PEX5: variants seen among roughly 807,000 people sequenced by gnomAD.
PEX5 encodes the protein peroxisomal biogenesis factor 5.
Under a neutral mutation model 82.9 loss-of-function variants are expected in PEX5, and 52 were observed. The observed-to-expected ratio is 0.63, with a 90% CI of 0.50 to 0.79. The LOEUF (loss-of-function observed/expected upper bound fraction) is 0.79, where lower values mean the gene tolerates loss of function less well. PEX5 is among the 30% of genes least tolerant of loss of function. The pLI is 0.00. For missense variants in PEX5, 719 were observed against 815.2 expected (o/e 0.88, Z 1.44); for synonymous variants, 300 against 318.8 (o/e 0.94, Z 0.63).
chr12:7,198,523 G>A (rs1433836001), intron 5 of PEX5, among the ~76,000 whole-genome samples: 1 of 152,046 alleles, frequency 6.6e-6, no homozygotes, highest in Non-Finnish European at 1.5e-5. Flanking sequence ...GATTCTCTTG[G>A]TAGGCAAATT....
chr12:7,200,903 T>TGG (rs1943807202), intron 6 of PEX5, among the ~76,000 whole-genome samples: 1 of 151,278 alleles, frequency 6.6e-6, no homozygotes, highest in African/African-American at 2.4e-5. Flanking sequence ...AGAGAGACCG[T>TGG]AGGGAGAGGG....
chr12:7,189,492 A>T (rs2135855791), upstream of PEX5: 1 of 158,862 alleles, frequency 6.3e-6, no homozygotes, highest in African/African-American at 2.4e-5. Flanking sequence ...GGCCTTTTCG[A>T]GCGCTCCTAA....
chr12:7,203,593 T>C, intron 10 of PEX5, 42 bp downstream of exon 10: 1 of 1,590,008 alleles, frequency 6.3e-7, no homozygotes, highest in Non-Finnish European at 8.6e-7. Context: ...CAGAACTTCC[T>C]TCTTTTTAAC....
Position 7,202,292 on chromosome 12 carries a change from G to A in PEX5, c.694G>A (p.Gly232Ser), listed in dbSNP as rs1393135727. The A allele has an allele frequency of 4.3e-6, 7 of 1,613,966 alleles. No individual in the cohort carries two copies. The highest frequency in any genetic ancestry group is 1.6e-4 in the Middle Eastern group (1 of 6,084). ...CGAAGGGCAGGTGTCCCTGGAGTCC[G>A]GTGCAGGGTCGGGCCGAGCTCAGGC... ...IGEGQVSLES[G>S]AGSGRAQAEQ... The change falls in exon 8 of 16, where the codon GGT becomes AGT. Residue 232 changes from glycine (G) to serine (S), a missense_variant. By Grantham distance (56) the Gly-to-Ser change is moderately conservative (BLOSUM62 0). Transcript: ENST00000675855.
chr12:7,199,045 G>A lies in PEX5; in HGVS notation c.483G>A (p.Glu161=). Residue 161 remains glutamate, a synonymous_variant, in exon 6 of 16, where the codon GAG becomes GAA. Transcript: ENST00000675855. Reference sequence around the variant, plus strand: ...CTGTGTCCCCTGCCCGCTGGGCTGAGGAATATTTGGAGCAATCAGAGGAGA... The same window carrying A: ...CTGTGTCCCCTGCCCGCTGGGCTGAAGAATATTTGGAGCAATCAGAGGAGA... ...PLSVSPARWA[E]EYLEQSEEKL... is the part of the protein sequence containing the mutation. 6.2e-7 allele frequency: 1 copy of A among 1,609,508 alleles called. No individual in the cohort carries two copies. The highest frequency in any genetic ancestry group is 8.5e-7 in the Non-Finnish European group (1 of 1,177,476).
intron 5 of PEX5, among the ~76,000 whole-genome samples, chr12:7,194,902 T>C (rs1171339994): frequency 6.6e-6 from 1 of 152,230 alleles, no homozygotes; most frequent in Non-Finnish European, 1.5e-5. Flanking sequence ...ATGAGCAGAC[T>C]AATGATAATA....
chr12:7,194,024 A>G (rs1358515220), intron 5 of PEX5, among the ~76,000 whole-genome samples: 1 of 152,212 alleles, frequency 6.6e-6, no homozygotes, highest in African/African-American at 2.4e-5. Flanking sequence ...TATTGAATGA[A>G]TGAATTGAGA....
intron 9 of PEX5, 35 bp downstream of exon 9, chr12:7,202,739 A>T (rs1447949509): frequency 7.1e-7 from 1 of 1,400,604 alleles, no homozygotes; most frequent in Non-Finnish European, 1.0e-6. Context: ...GACACCCCAA[A>T]AGAAAACACT....
At chr12:7,200,562 G>A (rs762983287) in intron 6 of PEX5, among the ~76,000 whole-genome samples, 525 of 152,010 alleles carry the variant, frequency 3.5e-3, no homozygotes, top group East Asian at 0.023. Flanking sequence ...AGGTTGTAGC[G>A]AGCCGAGATC....
At position 7,202,713 on chromosome 12, in the gene PEX5, A is replaced by G; in HGVS notation, c.846+9A>G. ...CCAAGTCAGCTATAGAGGTGAGAGC[A>G]GATAGTGCAGGAGCAGACACCCCAA... On this transcript the variant is annotated intron_variant, in intron 9 of 15. Transcript: ENST00000675855. 1.3e-6 allele frequency: 2 copies of G among 1,597,638 alleles called. No homozygotes were observed. Among genetic ancestry groups the G allele is most frequent in the Non-Finnish European group, 8.6e-7 (1 of 1,164,972 alleles).
At position 7,210,151 on chromosome 12, in the gene PEX5, G is replaced by A. The variant is rs551068158; in HGVS notation, c.1848G>A (p.Gln616=). The A allele has an allele frequency of 3.8e-5, 62 of 1,614,114 alleles. 1 individual carries two copies. The highest frequency in any genetic ancestry group is 3.5e-5 in the Non-Finnish European group (41 of 1,180,032). ...GTTTGGCATTGTCTATGTTAGGCCA[G>A]AGCGATGCCTATGGGGCAGCCGACG... is the stretch of plus-strand genomic sequence containing the variant. ...TLRLALSMLG[Q]SDAYGAADAR... The change falls in exon 16 of 16, where the codon CAG becomes CAA. Residue 616 remains glutamine (Q), a synonymous_variant. Transcript: ENST00000675855.
rs1170346836 is a variant in PEX5, at chr12:7,210,115, G to C, written c.1812G>C (p.Trp604Cys). ...GEGGAMSENI[W>C]STLRLALSML... ...GAGGTGCCATGTCGGAGAACATCTGGAGCACCCTGCGTTTGGCATTGTCTA... is the reference window on the plus strand; with the variant it reads ...GAGGTGCCATGTCGGAGAACATCTGCAGCACCCTGCGTTTGGCATTGTCTA... The change falls in exon 16 of 16, where the codon TGG becomes TGC. Residue 604 changes from tryptophan to cysteine, a missense_variant. Transcript: ENST00000675855. 1.2e-6 allele frequency: 2 copies of C among 1,614,226 alleles called. No individual in the cohort carries two copies. Among genetic ancestry groups the C allele is most frequent in the East Asian group, 4.5e-5 (2 of 44,878 alleles).
intron 5 of PEX5, among the ~76,000 whole-genome samples, chr12:7,195,566 G>A (rs1321261405): frequency 6.7e-6 from 1 of 150,118 alleles, no homozygotes. Context: ...CTATTGTTAA[G>A]TCCTCATGTC....
At chr12:7,205,883 A>G (rs1018094583) in intron 10 of PEX5, among the ~76,000 whole-genome samples, 9 of 152,236 alleles carry the variant, frequency 5.9e-5, no homozygotes, top group African/African-American at 1.2e-4. Context: ...TGGCTGTCAT[A>G]TACAGGCCAT....
rs370984432 is a variant in PEX5, at chr12:7,209,153, C to G, written c.1543C>G (p.Leu515Val). The G allele has an allele frequency of 4.3e-6, 7 of 1,613,824 alleles. No individual in the cohort carries two copies. The highest frequency in any genetic ancestry group is 5.9e-6 in the Non-Finnish European group (7 of 1,180,002). The change falls in exon 14 of 16, where the codon CTC (leucine) becomes GTC (valine). Residue 515 changes from leucine (L) to valine (V), a missense_variant. Leu to Val is a conservative substitution (Grantham distance 32). Coordinates refer to ENST00000675855, the MANE Select transcript of PEX5 (RefSeq NM_001351132.2). ...DKAVDCFTAA[L>V]SVRPNDYLLW... ...GGCCGTGGACTGCTTCACAGCTGCC[C>G]TCAGCGTTCGTCCCAATGTGAGCCC... is the stretch of plus-strand genomic sequence containing the variant.
rs1591799831 is a variant in PEX5 at position 7,209,092 on chromosome 12, G to A, written c.1482G>A (p.Leu494=). 6.2e-7 allele frequency: 1 copy of A among 1,614,120 alleles called. No individual in the cohort carries two copies. Among genetic ancestry groups the A allele is most frequent in the Non-Finnish European group, 8.5e-7 (1 of 1,180,000 alleles). The stretch of plus-strand genomic sequence containing the variant: ...TTGACCCTGATGTGCAGTGTGGCTT[G>A]GGAGTCCTTTTCAACCTGAGTGGGG... ...TSIDPDVQCG[L]GVLFNLSGEY... Residue 494 remains leucine, a synonymous_variant, in exon 14 of 16, where the codon TTG becomes TTA. Transcript: ENST00000675855.
chr12:7,202,569 G>T, intron 8 of PEX5, 43 bp from the exon 9 acceptor site: 1 of 1,549,122 alleles, frequency 6.5e-7, no homozygotes, highest in Non-Finnish European at 8.9e-7. Flanking sequence ...CTGATGGATA[G>T]AAAGTTGGTG....
At chr12:7,190,792 T>C in intron 2 of PEX5, 96 bp from the exon 3 acceptor site, 1 of 1,351,174 alleles carries the variant, frequency 7.4e-7, no homozygotes, top group South Asian at 1.2e-5. Context: ...AACCATTTTA[T>C]AGATGAAGAA....
In PEX5 at chr12:7,210,591, C is replaced by T. The variant is rs1945447715; in HGVS notation, c.*368C>T. 6 of 371,446 alleles carry T rather than the reference C, an allele frequency of 1.6e-5. No individual in the cohort carries two copies. Among genetic ancestry groups the T allele is most frequent in the South Asian group, 1.4e-4 (6 of 42,910 alleles). The allele number at this position is 371,446 out of a possible 1,614,324, so 23.0% of individuals were successfully genotyped here. Reference sequence around the variant, plus strand: ...ACCACATCTGTAATGTCTGTCCTTTCCCCCACTTTTACTGGGAATTGATAG... The same window carrying T: ...ACCACATCTGTAATGTCTGTCCTTTTCCCCACTTTTACTGGGAATTGATAG... On this transcript the variant is annotated 3_prime_UTR_variant, in exon 16 of 16. Coordinates refer to ENST00000675855, the MANE Select transcript of PEX5 (RefSeq NM_001351132.2).
Sources: gnomAD v4.1 joint callset for allele counts (sites outside exome capture counted in the v4.1 genomes callset) on GRCh38, gnomAD v4.1.1 for gene constraint, MANE v1.5 for transcripts, NCBI Gene and HGNC (gene_info 2026-07-23, HGNC 2026-07-21) for gene names.